TXNDC11: variants seen among roughly 807,000 people sequenced by gnomAD.
The protein encoded by TXNDC11 is thioredoxin domain-containing protein 11.
Under a neutral mutation model 78.0 loss-of-function variants are expected in TXNDC11, and 68 were observed. That is an observed-to-expected ratio of 0.87 (90% CI 0.72 to 1.07). TXNDC11 has a LOEUF of 1.07. Among genes scored for constraint, TXNDC11 ranks in the 50% least tolerant of loss-of-function variants. The pLI is 0.00. For missense variants in TXNDC11, 1,389 were observed against 1,221.8 expected (o/e 1.14, Z -2.04); for synonymous variants, 571 against 495.2 (o/e 1.15, Z -2.03).
intron 6 of TXNDC11, 130 bp from the exon 7 acceptor site, chr16:11,698,455 A>G: frequency 1.4e-6 from 1 of 734,438 alleles, no homozygotes; most frequent in Non-Finnish European, 2.3e-6. Flanking sequence ...GCCTGGCCCC[A>G]CTGTGCAGCT....
intron 5 of TXNDC11, among the ~76,000 whole-genome samples, chr16:11,712,719 GA>G (rs1487692067): frequency 5.9e-5 from 9 of 152,074 alleles, no homozygotes; most frequent in African/African-American, 2.2e-4. Flanking sequence ...TCTGGAGGCT[GA>G]GGTGGCTGGA....
intron 7 of TXNDC11, among the ~76,000 whole-genome samples, chr16:11,693,411 T>G (rs1227730646): frequency 6.6e-6 from 1 of 152,192 alleles, no homozygotes; most frequent in Non-Finnish European, 1.5e-5. Flanking sequence ...GAATCAAATC[T>G]CACCACAGTT....
chr16:11,734,192 C>T, intron 2 of TXNDC11, 113 bp from the exon 3 acceptor site: 1 of 761,134 alleles, frequency 1.3e-6, no homozygotes, highest in South Asian at 1.6e-5. Context: ...GAAACAGAAA[C>T]TATGAAAAAA....
Position 11,679,670 on chromosome 16 carries a change from G to A in TXNDC11, c.2402C>T (p.Ser801Phe). The change falls in exon 12 of 12, where the codon TCC (serine) becomes TTC (phenylalanine). Residue 801 changes from serine (S) to phenylalanine (F), a missense_variant. Physicochemically the swap from Ser to Phe is radical, Grantham distance 155 (BLOSUM62 -2). Coordinates refer to ENST00000283033, the MANE Select transcript of TXNDC11 (RefSeq NM_015914.7). The surrounding 1 kb of genome is among the most constrained non-coding windows in gnomAD (Gnocchi z 4.6). ...SEAVLQRGHI[S>F]HLEREIQKLR... Reference sequence around the variant, plus strand: ...TTTCTGGATCTCTCTCTCCAAGTGGGAGATGTGCCCCCGCTGTAAGACTGC... The same window carrying A: ...TTTCTGGATCTCTCTCTCCAAGTGGAAGATGTGCCCCCGCTGTAAGACTGC... 6.2e-7 allele frequency: 1 copy of A among 1,614,212 alleles called. No individual in the cohort carries two copies.
Position 11,742,833 on chromosome 16 carries a change from A to C in TXNDC11, c.-103T>G, listed in dbSNP as rs554790720. 4.9e-5 allele frequency: 67 copies of C among 1,356,602 alleles called. No homozygotes were observed. In the African/African-American group the frequency reaches 9.3e-4, roughly 19 times the overall value. 84.0% of individuals were successfully genotyped at this position (1,356,602 alleles called of 1,614,324 possible). A position where few individuals can be genotyped will look rare whatever the true frequency, so the allele number is the denominator to read the frequency against. On this transcript the variant is annotated 5_prime_UTR_variant, in exon 1 of 12. Transcript: ENST00000283033. ...AATCCCGCAGCTCGCCGCACCCGCTAACCCGGACGCTCCACGTCAGCCGCG... is the reference window on the plus strand; with the variant it reads ...AATCCCGCAGCTCGCCGCACCCGCTCACCCGGACGCTCCACGTCAGCCGCG...
chr16:11,713,280 CAAAAAAAAAAA>C (rs60166472), intron 5 of TXNDC11, among the ~76,000 whole-genome samples: 2 of 97,608 alleles, frequency 2.0e-5, no homozygotes, highest in Non-Finnish European at 4.5e-5. Context: ...GACTCTGTCT[CAAAAAAAAAAA>C]AAAAGAAAAG....
intron 5 of TXNDC11, among the ~76,000 whole-genome samples, chr16:11,719,536 T>C (rs986415406): frequency 2.0e-5 from 3 of 152,232 alleles, no homozygotes; most frequent in Admixed American, 6.5e-5. Flanking sequence ...AGTCATATAA[T>C]TGTTTCATAT....
chr16:11,691,318 T>G lies in TXNDC11; in HGVS notation c.1872A>C (p.Pro624=), dbSNP rs2050707140. The change falls in exon 8 of 12, where the codon CCA becomes CCC. Residue 624 remains proline (P), a synonymous_variant. Coordinates refer to ENST00000283033, the MANE Select transcript of TXNDC11 (RefSeq NM_015914.7). The part of the protein sequence containing the change: ...VKEESHYILD[P]KQALMKLTLE... ...GGGTGAGCTTCATCAGTGCTTGCTTTGGATCCAAGATGTAATGAGATTCTT... is the reference window on the plus strand; with the variant it reads ...GGGTGAGCTTCATCAGTGCTTGCTTGGGATCCAAGATGTAATGAGATTCTT... 1 of 1,613,950 alleles carries G rather than the reference T, an allele frequency of 6.2e-7. No individual in the cohort carries two copies. Among genetic ancestry groups the G allele is most frequent in the Admixed American group, 1.7e-5 (1 of 59,998 alleles).
At chr16:11,709,858 C>T (rs1437649873) in intron 5 of TXNDC11, among the ~76,000 whole-genome samples, 1 of 152,166 alleles carries the variant, frequency 6.6e-6, no homozygotes, top group Non-Finnish European at 1.5e-5. Flanking sequence ...CTTAACCTGA[C>T]AGTAAAATAA....
rs147572050 is a variant in TXNDC11, at chr16:11,696,614, C to A, written c.1107+1511G>T. ...TAATTCATAATACGGTGAGATGCCA[C>A]CTCGTGTTCGGTCATCTCACCCACA... On this transcript the variant is annotated intron_variant, in intron 7 of 11. Coordinates refer to ENST00000283033, the MANE Select transcript of TXNDC11 (RefSeq NM_015914.7). Among the ~76,000 whole-genome samples the A allele has an allele frequency of 2.5e-3, 374 of 152,300 alleles. 3 individuals are homozygous for A. The highest frequency in any genetic ancestry group is 8.8e-3 in the African/African-American group (366 of 41,580).
rs1425510241 is a variant in TXNDC11, at chr16:11,691,604, G to C, written c.1586C>G (p.Ala529Gly). Residue 529 changes from alanine to glycine, a missense_variant, in exon 8 of 12, where the codon GCC becomes GGC. Ala to Gly is a moderately conservative substitution (Grantham distance 60). Coordinates refer to ENST00000283033, the MANE Select transcript of TXNDC11 (RefSeq NM_015914.7). The stretch of plus-strand genomic sequence containing the variant: ...AAGGGAAGAAAATGCAACAGTAGGG[G>C]CTTCAAAGACACCTTGTTCAGAGTC... ...FIDSEQGVFE[A>G]PTVAFSSLEK... The C allele has an allele frequency of 6.2e-7, 1 of 1,614,044 alleles. No individual in the cohort carries two copies. The highest frequency in any genetic ancestry group is 1.3e-5 in the African/African-American group (1 of 74,912).
chr16:11,731,665 C>A (rs1161661289), intron 3 of TXNDC11, among the ~76,000 whole-genome samples: 1 of 151,014 alleles, frequency 6.6e-6, no homozygotes, highest in Non-Finnish European at 1.5e-5. Flanking sequence ...ATTATAATAC[C>A]ATAATACATG....
chr16:11,730,261 C>A (rs553943609), intron 4 of TXNDC11, among the ~76,000 whole-genome samples: 1 of 152,216 alleles, frequency 6.6e-6, no homozygotes, highest in South Asian at 2.1e-4. Flanking sequence ...AACCAAACTA[C>A]AACTGACAAG....
intron 4 of TXNDC11, among the ~76,000 whole-genome samples, chr16:11,728,468 A>T (rs898750306): frequency 2.6e-5 from 4 of 152,194 alleles, no homozygotes; most frequent in Admixed American, 6.5e-5. Flanking sequence ...TAGGGACCCC[A>T]TCTTGGTAGC....
At chr16:11,722,348 A>G (rs2051733298) in intron 4 of TXNDC11, among the ~76,000 whole-genome samples, 1 of 152,176 alleles carries the variant, frequency 6.6e-6, no homozygotes, top group African/African-American at 2.4e-5. Context: ...TGGGCGTAGA[A>G]TGCCCCTTCA....
chr16:11,734,314 G>A (rs1371794859), intron 2 of TXNDC11, among the ~76,000 whole-genome samples: 1 of 152,162 alleles, frequency 6.6e-6, no homozygotes, highest in Non-Finnish European at 1.5e-5. Flanking sequence ...ATCTTACCAT[G>A]CAATACAGTT....
At chr16:11,685,004 G>T (rs1007519058) in intron 10 of TXNDC11, among the ~76,000 whole-genome samples, 2 of 152,224 alleles carry the variant, frequency 1.3e-5, no homozygotes, top group South Asian at 2.1e-4. Flanking sequence ...AAGCATAACT[G>T]GGGGGAGTGA....
chr16:11,683,503 G>A (rs1330909961), intron 11 of TXNDC11, among the ~76,000 whole-genome samples: 3 of 152,174 alleles, frequency 2.0e-5, no homozygotes, highest in Non-Finnish European at 4.4e-5. Flanking sequence ...GGGGCAGGCA[G>A]GGCTCCACAG....
intron 5 of TXNDC11, among the ~76,000 whole-genome samples, chr16:11,709,198 G>A (rs1455900666): frequency 3.3e-5 from 5 of 151,402 alleles, no homozygotes; most frequent in African/African-American, 9.7e-5. Flanking sequence ...GGACATCACA[G>A]ATACATTGTG....
Sources: allele counts gnomAD v4.1 joint callset (sites outside exome capture counted in the v4.1 genomes callset), GRCh38; gene constraint gnomAD v4.1.1; non-coding constraint Gnocchi (gnomAD v3.1); transcripts MANE v1.5; gene names NCBI Gene and HGNC (gene_info 2026-07-23, HGNC 2026-07-21).